The following TRAF3 variants were observed in gnomAD, a reference collection of about 807,000 sequenced individuals.
TRAF3 encodes TNF receptor-associated factor 3.
TRAF3 carries 13 observed loss-of-function variants against 62.3 expected under a neutral mutation model. The observed-to-expected ratio is 0.21, with a 90% confidence interval of 0.14 to 0.33. The LOEUF (loss-of-function observed/expected upper bound fraction) is 0.33, where lower values mean the gene tolerates loss of function less well. TRAF3 is among the 10% of genes least tolerant of loss of function. The pLI is 1.00. For synonymous variants in TRAF3, 269 were observed against 283.4 expected (o/e 0.95, Z 0.51); for missense variants, 440 against 741.8 (o/e 0.59, Z 4.73).
intron 2 of TRAF3, among the ~76,000 whole-genome samples, chr14:102,863,247 C>G (rs138300220): frequency 1.3e-5 from 2 of 152,148 alleles, no homozygotes; most frequent in Non-Finnish European, 2.9e-5. Flanking sequence ...AAATGAGATT[C>G]TTCCTTCTCC....
At position 102,903,406 on chromosome 14, in the gene TRAF3, C is replaced by A. The variant is rs144719184; in HGVS notation, c.1112C>A (p.Ala371Glu). The A allele has an allele frequency of 1.7e-5, 28 of 1,614,028 alleles. 1 individual carries two copies. In the South Asian group the frequency reaches 2.9e-4, roughly 16 times the overall value. The change falls in exon 11 of 12, where the codon GCG becomes GAG. Residue 371 changes from alanine (A) to glutamate (E), a missense_variant. Ala to Glu is a moderately radical substitution (Grantham distance 107, BLOSUM62 -1). This residue lies in a region of TRAF3 where 41 missense variants were observed against 40.0 expected (regional missense o/e 1.03). Transcript: ENST00000392745. This position sits in a 1 kb window ranked among gnomAD's most constrained non-coding sequence, Gnocchi z 6.4. ...VTELESVDKS[A>E]GQVARNTGLL... ...GAGCTGGAGAGCGTGGACAAGAGCGCGGGGCAAGTGGCTCGGAACACAGGT... is the reference window on the plus strand; with the variant it reads ...GAGCTGGAGAGCGTGGACAAGAGCGAGGGGCAAGTGGCTCGGAACACAGGT...
At chr14:102,890,820 A>G (rs1430352899) in intron 8 of TRAF3, among the ~76,000 whole-genome samples, 1 of 152,228 alleles carries the variant, frequency 6.6e-6, no homozygotes, top group Non-Finnish European at 1.5e-5. Flanking sequence ...ATCTTTGGAT[A>G]CAGTGTATTT....
chr14:102,880,571 G>A (rs374450987), intron 6 of TRAF3, among the ~76,000 whole-genome samples: 1 of 152,176 alleles, frequency 6.6e-6, no homozygotes, highest in South Asian at 2.1e-4. Context: ...AGATCTAGAG[G>A]CAGAAATAAC....
At chr14:102,897,506 C>T (rs985144140) in intron 10 of TRAF3, 105 bp downstream of exon 10, 3 of 1,449,030 alleles carry the variant, frequency 2.1e-6, no homozygotes, top group African/African-American at 2.8e-5. Flanking sequence ...TTGACCTTTG[C>T]AAGCAGAAAG....
chr14:102,795,619 T>TGC (rs1566740642), intron 1 of TRAF3, among the ~76,000 whole-genome samples: 50 of 151,964 alleles, frequency 3.3e-4, no homozygotes, highest in African/African-American at 1.2e-3. Flanking sequence ...TGTGTGTGTG[T>TGC]GCATAGTTTT....
intron 8 of TRAF3, among the ~76,000 whole-genome samples, chr14:102,890,626 G>A (rs914865155): frequency 2.0e-5 from 3 of 151,966 alleles, no homozygotes; most frequent in African/African-American, 7.3e-5. Flanking sequence ...GCTTTCTGTG[G>A]CTTCTTAATT....
chr14:102,903,276 G>C lies in TRAF3; in HGVS notation c.982G>C (p.Glu328Gln). 6.2e-7 allele frequency: 1 copy of C among 1,614,238 alleles called. No homozygotes were observed. The highest frequency in any genetic ancestry group is 8.5e-7 in the Non-Finnish European group (1 of 1,180,036). ...GAAGCGAGTGATAGACAGCCAAGCA[G>C]AGAAACTGAAGGAGCTTGACAAGGA... The part of the protein sequence containing the change: ...HLQRVIDSQA[E>Q]KLKELDKEIR... Residue 328 changes from glutamate to glutamine, a missense_variant, in exon 11 of 12, where the codon GAG becomes CAG. By Grantham distance (29) the Glu-to-Gln change is conservative (BLOSUM62 2). Around this residue, in one of 6 missense-constraint regions of TRAF3, gnomAD observed 255 missense variants for 424.1 expected, o/e 0.60. Coordinates refer to ENST00000392745, the MANE Select transcript of TRAF3 (RefSeq NM_145725.3). This position sits in a 1 kb window ranked among gnomAD's most constrained non-coding sequence, Gnocchi z 6.4.
rs559807452 is a variant in TRAF3, at chr14:102,903,703, C to A, written c.1135+274C>A. On this transcript the variant is annotated intron_variant, in intron 11 of 11. Transcript: ENST00000392745. The surrounding 1 kb of genome is among the most constrained non-coding windows in gnomAD (Gnocchi z 6.4). ...AGCCACGGGAAGCTGCAAAGCCCTC[C>A]TGGGAGAGACTGGCCGCAGGGTGAC... 1.7e-6 allele frequency: 1 copy of A among 576,210 alleles called. No individual in the cohort carries two copies. 35.7% of individuals were successfully genotyped at this position (576,210 alleles called of 1,614,324 possible).
chr14:102,894,948 T>C (rs1310388013), intron 9 of TRAF3: 1 of 354,290 alleles, frequency 2.8e-6, no homozygotes, highest in East Asian at 8.5e-5. Flanking sequence ...GTGGTCCGTC[T>C]GCCTCAGCCT....
intron 1 of TRAF3, among the ~76,000 whole-genome samples, chr14:102,796,530 TG>T (rs1365399472): frequency 6.6e-6 from 1 of 152,104 alleles, no homozygotes; most frequent in Non-Finnish European, 1.5e-5. Context: ...GTGTCTGAAG[TG>T]GGGATGGGGG....
chr14:102,903,298 A>G lies in TRAF3; in HGVS notation c.1004A>G (p.Lys335Arg), dbSNP rs1017485113. Residue 335 changes from lysine (K) to arginine (R), a missense_variant, in exon 11 of 12, where the codon AAG becomes AGG. By Grantham distance (26) the Lys-to-Arg change is conservative. Around this residue, in one of 6 missense-constraint regions of TRAF3, gnomAD observed 255 missense variants for 424.1 expected, o/e 0.60. Transcript: ENST00000392745. This position sits in a 1 kb window ranked among gnomAD's most constrained non-coding sequence, Gnocchi z 6.4. ...GCAGAGAAACTGAAGGAGCTTGACAAGGAGATCCGGCCCTTCCGGCAGAAC... is the reference window on the plus strand; with the variant it reads ...GCAGAGAAACTGAAGGAGCTTGACAGGGAGATCCGGCCCTTCCGGCAGAAC... Reference protein sequence around the residue: ...SQAEKLKELDKEIRPFRQNWE... With the variant: ...SQAEKLKELDREIRPFRQNWE... The G allele has an allele frequency of 7.4e-6, 12 of 1,614,226 alleles. No individual in the cohort carries two copies. Among genetic ancestry groups the G allele is most frequent in the Non-Finnish European group, 1.0e-5 (12 of 1,180,038 alleles).
rs1890798125 is a variant in TRAF3, at chr14:102,910,291, C to G, written c.*4507C>G. On this transcript the variant is annotated 3_prime_UTR_variant, in exon 12 of 12. Transcript: ENST00000392745. ...TTAGTCCAGATCTTTACTTATTAGACTGCAGAAGGAGAGCTAGGGAGAGTG... is the reference window on the plus strand; with the variant it reads ...TTAGTCCAGATCTTTACTTATTAGAGTGCAGAAGGAGAGCTAGGGAGAGTG... 6.6e-6 allele frequency: 1 copy of G among 152,274 alleles called. No individual in the cohort carries two copies. The highest frequency in any genetic ancestry group is 1.5e-5 in the Non-Finnish European group (1 of 68,052). The allele number at this position is 152,274 out of a possible 1,614,324, so 9.4% of individuals were successfully genotyped here.
chr14:102,871,561 GCAAGGCTCTC>G (rs143095795), intron 3 of TRAF3, among the ~76,000 whole-genome samples: 4,144 of 152,312 alleles, frequency 0.027, 183 homozygotes, highest in African/African-American at 0.095. Flanking sequence ...CAACGCAGGA[GCAAGGCTCTC>G]CAAGTAAACA....
rs542395373 is a variant in TRAF3, at chr14:102,796,088, G to C, written c.-157+18413G>C. Reference sequence around the variant, plus strand: ...AAAAATTAGCCGGGTGTGGTGTCGGGTGCCTGTAATCCCAGCTACTTGGGA... The same window carrying C: ...AAAAATTAGCCGGGTGTGGTGTCGGCTGCCTGTAATCCCAGCTACTTGGGA... On this transcript the variant is annotated intron_variant, in intron 1 of 11. Transcript: ENST00000392745. 2.6e-5 allele frequency among the ~76,000 whole-genome samples: 4 copies of C among 152,236 alleles called. No individual in the cohort carries two copies. The South Asian group carries it at 6.2e-4, about 24-fold the overall frequency.
intron 1 of TRAF3, among the ~76,000 whole-genome samples, chr14:102,822,107 T>G (rs1405069310): frequency 6.6e-6 from 1 of 152,134 alleles, no homozygotes; most frequent in African/African-American, 2.4e-5. Context: ...TAGAAAAATT[T>G]TATGTGTTTT....
At chr14:102,868,161 G>A (rs1193898152) in intron 2 of TRAF3, among the ~76,000 whole-genome samples, 1 of 152,228 alleles carries the variant, frequency 6.6e-6, no homozygotes, top group Non-Finnish European at 1.5e-5. Flanking sequence ...GTACAGGAAC[G>A]CAGTGTATTT....
chr14:102,808,692 G>T (rs1275492746), intron 1 of TRAF3, among the ~76,000 whole-genome samples: 1 of 152,130 alleles, frequency 6.6e-6, no homozygotes, highest in Non-Finnish European at 1.5e-5. Flanking sequence ...AGGACATAAT[G>T]TAAATATTAA....
chr14:102,819,861 G>A (rs773226050), intron 1 of TRAF3, among the ~76,000 whole-genome samples: 2 of 152,238 alleles, frequency 1.3e-5, no homozygotes, highest in African/African-American at 2.4e-5. Context: ...CATCAGATCA[G>A]GGCATACCGC....
At chr14:102,896,245 C>T (rs1890002238) in intron 9 of TRAF3, among the ~76,000 whole-genome samples, 2 of 152,134 alleles carry the variant, frequency 1.3e-5, no homozygotes, top group African/African-American at 4.8e-5. Flanking sequence ...GGCTCAAAAA[C>T]GTCCGCCCCT....
Sources: allele counts gnomAD v4.1 joint callset (sites outside exome capture counted in the v4.1 genomes callset), GRCh38; gene constraint gnomAD v4.1.1; regional missense constraint gnomAD v4.1.1; non-coding constraint Gnocchi (gnomAD v3.1); transcripts MANE v1.5; gene names NCBI Gene and HGNC (gene_info 2026-07-23, HGNC 2026-07-21).